The following PPARGC1A variants were observed in gnomAD, a reference collection of about 807,000 sequenced individuals.
PPARGC1A encodes PPARG coactivator 1 alpha.
PPARGC1A carries 25 observed loss-of-function variants against 88.7 expected under a neutral mutation model. That is an observed-to-expected ratio of 0.28 (90% CI 0.21 to 0.39). The LOEUF is 0.39. Ranked by LOEUF, PPARGC1A falls within the 10% of genes least tolerant of loss-of-function variation. The probability of loss-of-function intolerance (pLI) is 1.00; values close to 1 mark genes in which losing one functional copy is unlikely to be tolerated. For missense variants in PPARGC1A, 880 were observed against 968.7 expected, an observed-to-expected ratio of 0.91 and a Z score of 1.22; for synonymous variants, 363 against 355.6, an observed-to-expected ratio of 1.02 and a Z score of -0.24.
chr4:23,967,002 A>G, the PPARGC1A span, among the ~76,000 whole-genome samples: 1 of 152,312 alleles, frequency 6.6e-6, no homozygotes, highest in East Asian at 1.9e-4. Context: ...CCTACCTCTC[A>G]GCCTTGTTGA....
the PPARGC1A span, among the ~76,000 whole-genome samples, chr4:24,378,085 C>G: frequency 6.6e-6 from 1 of 152,186 alleles, no homozygotes. Context: ...ACCTGTAATA[C>G]CAGCACTTTG....
At chr4:23,951,511 T>C in the PPARGC1A span, among the ~76,000 whole-genome samples, 1 of 152,026 alleles carries the variant, frequency 6.6e-6, no homozygotes, top group Non-Finnish European at 1.5e-5. Context: ...TTATTAAAGA[T>C]CAAAACACAC....
the PPARGC1A span, among the ~76,000 whole-genome samples, chr4:24,439,620 C>A: frequency 2.6e-5 from 4 of 152,098 alleles, no homozygotes; most frequent in Non-Finnish European, 4.4e-5. Context: ...ACTGCTTTCA[C>A]GTGAAAAAAA....
chr4:24,146,640 C>T, the PPARGC1A span, among the ~76,000 whole-genome samples: 1 of 152,192 alleles, frequency 6.6e-6, no homozygotes, highest in South Asian at 2.1e-4. Flanking sequence ...AGACAAGCTG[C>T]ATGCTGCCTA....
chr4:24,142,690 A>G, the PPARGC1A span, among the ~76,000 whole-genome samples: 1 of 149,142 alleles, frequency 6.7e-6, no homozygotes, highest in East Asian at 2.0e-4. Context: ...TAAAAAATAA[A>G]TAAAAATGGG....
the PPARGC1A span, among the ~76,000 whole-genome samples, chr4:24,260,631 C>T: frequency 1.3e-5 from 2 of 152,006 alleles, no homozygotes; most frequent in African/African-American, 4.8e-5. Context: ...AGGGCAGAGT[C>T]GTGGTATGTT....
the PPARGC1A span, among the ~76,000 whole-genome samples, chr4:24,078,229 G>A: frequency 2.6e-5 from 4 of 151,910 alleles, no homozygotes; most frequent in African/African-American, 9.7e-5. Context: ...CATGGGCAGG[G>A]GTTACAAATG....
chr4:23,961,030 T>C, the PPARGC1A span, among the ~76,000 whole-genome samples: 1 of 152,142 alleles, frequency 6.6e-6, no homozygotes, highest in Non-Finnish European at 1.5e-5. Flanking sequence ...GAAAAGAAGA[T>C]GGCTAAGAGA....
the PPARGC1A span, among the ~76,000 whole-genome samples, chr4:24,437,013 T>C: frequency 6.6e-6 from 1 of 152,272 alleles, no homozygotes; most frequent in Non-Finnish European, 1.5e-5. Flanking sequence ...GGGTATTTTC[T>C]TTGCCAACAT....
chr4:24,355,767 T>C, the PPARGC1A span, among the ~76,000 whole-genome samples: 4 of 151,622 alleles, frequency 2.6e-5, no homozygotes, highest in African/African-American at 4.9e-5. Flanking sequence ...AACGTGGAAG[T>C]GCGAGGGGGA....
chr4:24,098,936 G>A, the PPARGC1A span, among the ~76,000 whole-genome samples: 4 of 152,110 alleles, frequency 2.6e-5, no homozygotes, highest in Non-Finnish European at 5.9e-5. Flanking sequence ...GTCCAACCAG[G>A]TGAAGACATT....
the PPARGC1A span, among the ~76,000 whole-genome samples, chr4:24,463,322 C>T: frequency 2.0e-5 from 3 of 152,180 alleles, no homozygotes; most frequent in African/African-American, 7.2e-5. Context: ...CAGATTCCCA[C>T]TTTTCCTTTT....
intron 2 of PPARGC1A, among the ~76,000 whole-genome samples, chr4:23,857,372 TG>T (rs141697897): frequency 0.19 from 21,476 of 111,354 alleles, 1,724 homozygotes; most frequent in South Asian, 0.26. Flanking sequence ...TGTGTGTGTG[TG>T]ACACACACAC....
At chr4:24,425,945 A>G in the PPARGC1A span, among the ~76,000 whole-genome samples, 1 of 152,238 alleles carries the variant, frequency 6.6e-6, no homozygotes, top group Non-Finnish European at 1.5e-5. Context: ...AAATTACTCT[A>G]TGGTGTTTTA....
chr4:24,156,289 G>A, the PPARGC1A span, among the ~76,000 whole-genome samples: 2 of 151,994 alleles, frequency 1.3e-5, no homozygotes, highest in Non-Finnish European at 2.9e-5. Context: ...ATCCACCCCC[G>A]GGTGTTTCTC....
chr4:24,137,113 C>CAA, the PPARGC1A span, among the ~76,000 whole-genome samples: 86 of 82,046 alleles, frequency 1.0e-3, no homozygotes, highest in East Asian at 2.2e-3. Flanking sequence ...GACTCTGTCT[C>CAA]AAAAAAAAAA....
chr4:23,919,883 A>T, the PPARGC1A span, among the ~76,000 whole-genome samples: 5,043 of 152,264 alleles, frequency 0.033, 270 homozygotes, highest in African/African-American at 0.11. Flanking sequence ...GAATCAAGCC[A>T]GTGCAGTAAG....
the PPARGC1A span, among the ~76,000 whole-genome samples, chr4:24,426,764 G>A: frequency 2.0e-5 from 3 of 152,082 alleles, no homozygotes; most frequent in African/African-American, 7.2e-5. Flanking sequence ...TCCCTCTCTA[G>A]TGTTATCACA....
At chr4:24,198,336 C>T in the PPARGC1A span, among the ~76,000 whole-genome samples, 1 of 152,184 alleles carries the variant, frequency 6.6e-6, no homozygotes, top group African/African-American at 2.4e-5. Context: ...TCAGATCCAT[C>T]CAATTCATTC....
Sources: allele counts gnomAD v4.1 joint callset (sites outside exome capture counted in the v4.1 genomes callset), GRCh38; gene constraint gnomAD v4.1.1; transcripts MANE v1.5; gene names NCBI Gene and HGNC (gene_info 2026-07-23, HGNC 2026-07-21).